NAALADL2: variants seen among roughly 807,000 people sequenced by gnomAD.
NAALADL2 encodes inactive N-acetylated-alpha-linked acidic dipeptidase-like protein 2.
NAALADL2 carries 76 observed loss-of-function variants against 87.2 expected under a neutral mutation model. That is an observed-to-expected ratio of 0.87 (90% confidence interval 0.72 to 1.05). The LOEUF is 1.05. Among genes scored for constraint, NAALADL2 ranks in the 50% least tolerant of loss-of-function variants. The pLI is 0.00. For synonymous variants in NAALADL2, 354 were observed against 331.0 expected (o/e 1.07, Z -0.75); for missense variants, 1,089 against 945.8 (o/e 1.15, Z -1.99).
At chr3:175,650,766 C>T (rs1730656375) in intron 11 of NAALADL2, among the ~76,000 whole-genome samples, 1 of 152,106 alleles carries the variant, frequency 6.6e-6, no homozygotes, top group African/African-American at 2.4e-5. Flanking sequence ...TTACATGAAA[C>T]ATTTTGCTTT....
intron 4 of NAALADL2, among the ~76,000 whole-genome samples, chr3:175,267,362 G>C (rs1280479265): frequency 6.6e-6 from 1 of 151,862 alleles, no homozygotes; most frequent in African/African-American, 2.4e-5. Context: ...CCCTAATAAG[G>C]CAAATGCTTA....
chr3:175,210,539 TCTTA>T (rs1482014930), intron 2 of NAALADL2, among the ~76,000 whole-genome samples: 14 of 151,764 alleles, frequency 9.2e-5, no homozygotes, highest in Non-Finnish European at 1.6e-4. Context: ...ATATATTAAA[TCTTA>T]CTTATATTGT....
At chr3:174,450,987 A>G (rs1715444081) in intron 1 of NAALADL2, among the ~76,000 whole-genome samples, 1 of 152,108 alleles carries the variant, frequency 6.6e-6, no homozygotes, top group African/African-American at 2.4e-5. Flanking sequence ...TCAATTTTAA[A>G]TGTTTTTTCA....
At chr3:174,909,216 A>C (rs1733369854) in intron 1 of NAALADL2, among the ~76,000 whole-genome samples, 1 of 152,030 alleles carries the variant, frequency 6.6e-6, no homozygotes, top group Non-Finnish European at 1.5e-5. Flanking sequence ...CAACATGGTG[A>C]TATACCGTCT....
intron 2 of NAALADL2, among the ~76,000 whole-genome samples, chr3:174,718,847 A>G (rs538276185): frequency 2.8e-4 from 42 of 152,340 alleles, no homozygotes; most frequent in Admixed American, 6.5e-4. Context: ...ATAGTATTAA[A>G]TAAGTCAGCA....
intron 2 of NAALADL2, among the ~76,000 whole-genome samples, chr3:174,673,453 G>A (rs2108807441): frequency 6.6e-6 from 1 of 152,102 alleles, no homozygotes; most frequent in African/African-American, 2.4e-5. Flanking sequence ...AGATAATGTG[G>A]TATGTGTACA....
rs531278846 is a variant in NAALADL2, at chr3:174,925,383, A to G, written c.43+65933A>G. ...TTTTTCAAAGATCAGATGGTTGTAGATGTGTGGTATTATTTCTGAGGGCTC... is the reference window on the plus strand; with the variant it reads ...TTTTTCAAAGATCAGATGGTTGTAGGTGTGTGGTATTATTTCTGAGGGCTC... On this transcript the variant is annotated intron_variant, in intron 1 of 13. Coordinates refer to ENST00000454872, the MANE Select transcript of NAALADL2 (RefSeq NM_207015.3). Among the ~76,000 whole-genome samples, 62 of 152,104 alleles carry G rather than the reference A, an allele frequency of 4.1e-4. 1 individual carries two copies. Among genetic ancestry groups the G allele is most frequent in the African/African-American group, 1.5e-3 (62 of 41,472 alleles).
At chr3:175,752,409 T>C (rs1337735405) in intron 12 of NAALADL2, among the ~76,000 whole-genome samples, 1 of 152,108 alleles carries the variant, frequency 6.6e-6, no homozygotes, top group African/African-American at 2.4e-5. Context: ...CTAAGAAGCA[T>C]AAAAGATGAA....
At chr3:175,013,232 A>T (rs374942148) in intron 1 of NAALADL2, among the ~76,000 whole-genome samples, 7 of 79,886 alleles carry the variant, frequency 8.8e-5, no homozygotes, top group African/African-American at 5.5e-4. Flanking sequence ...TATAAATATA[A>T]ACACATATAT....
chr3:174,520,453 A>G (rs937353864), intron 1 of NAALADL2, among the ~76,000 whole-genome samples: 18 of 152,198 alleles, frequency 1.2e-4, no homozygotes, highest in African/African-American at 3.9e-4. Flanking sequence ...AAAAATAAAC[A>G]ATGAAGAAAA....
rs570910798 is a variant in NAALADL2, at chr3:175,765,693, C to T, written c.2189+10275C>T. Among the ~76,000 whole-genome samples the T allele has an allele frequency of 2.0e-4, 30 of 152,106 alleles. 1 individual carries two copies. Among genetic ancestry groups the T allele is most frequent in the Admixed American group, 6.6e-4 (10 of 15,264 alleles). ...CATATTTGCAAGTCAAGACCCATTG[C>T]CAGTCTGAGGGTGAGTTTTGACTTG... On this transcript the variant is annotated intron_variant, in intron 13 of 13. Coordinates refer to ENST00000454872, the MANE Select transcript of NAALADL2 (RefSeq NM_207015.3).
chr3:175,545,483 A>C (rs2149478782), intron 9 of NAALADL2, among the ~76,000 whole-genome samples: 1 of 152,034 alleles, frequency 6.6e-6, no homozygotes, highest in Admixed American at 6.6e-5. Context: ...TTTTTTTAGA[A>C]GTTATTCCAC....
At chr3:174,466,506 A>G (rs1010005899) in intron 1 of NAALADL2, among the ~76,000 whole-genome samples, 1 of 152,146 alleles carries the variant, frequency 6.6e-6, no homozygotes, top group East Asian at 1.9e-4. Context: ...GCAGGGGAAA[A>G]TGGATTTCAG....
chr3:175,366,706 G>A (rs1293504734), intron 5 of NAALADL2, among the ~76,000 whole-genome samples: 2 of 150,594 alleles, frequency 1.3e-5, no homozygotes, highest in African/African-American at 4.9e-5. Flanking sequence ...TGATGGGGTT[G>A]TTTGTTTTTT....
At chr3:175,738,568 G>T (rs1476132272) in intron 12 of NAALADL2, among the ~76,000 whole-genome samples, 6 of 151,886 alleles carry the variant, frequency 4.0e-5, no homozygotes, top group African/African-American at 1.5e-4. Context: ...TCTTTACCTG[G>T]ATTGTTTCTT....
chr3:174,972,852 C>T (rs926731482), intron 1 of NAALADL2, among the ~76,000 whole-genome samples: 2 of 151,920 alleles, frequency 1.3e-5, no homozygotes, highest in African/African-American at 4.8e-5. Context: ...CAAAATTAGC[C>T]AGGCGTGGTG....
chr3:174,604,447 A>T (rs1208933402), intron 2 of NAALADL2, among the ~76,000 whole-genome samples: 1 of 151,970 alleles, frequency 6.6e-6, no homozygotes, highest in Admixed American at 6.5e-5. Flanking sequence ...TTCAGTCTAT[A>T]TGTGTCCTCA....
intron 2 of NAALADL2, among the ~76,000 whole-genome samples, chr3:174,647,371 G>A (rs1306438977): frequency 3.3e-5 from 5 of 152,174 alleles, no homozygotes; most frequent in Non-Finnish European, 5.9e-5. Flanking sequence ...GTATATGAGC[G>A]AAGACTGAGC....
At chr3:175,447,981 C>T (rs1296422418) in intron 6 of NAALADL2, among the ~76,000 whole-genome samples, 1 of 152,152 alleles carries the variant, frequency 6.6e-6, no homozygotes, top group Non-Finnish European at 1.5e-5. Flanking sequence ...AGAAAAGCCT[C>T]TCTTTACAAT....
Sources: allele counts gnomAD v4.1 joint callset (sites outside exome capture counted in the v4.1 genomes callset), GRCh38; gene constraint gnomAD v4.1.1; transcripts MANE v1.5; gene names NCBI Gene and HGNC (gene_info 2026-07-23, HGNC 2026-07-21).